Variants in RNF150 observed in about 807,000 individuals in gnomAD.
RNF150 encodes ring finger protein 150.
A neutral mutation model predicts 39.3 loss-of-function variants in RNF150; 24 were observed. The ratio of observed to expected loss-of-function variants is 0.61; its 90% CI spans 0.44 to 0.86. The LOEUF (loss-of-function observed/expected upper bound fraction) is 0.86, where lower values mean the gene tolerates loss of function less well. Ranked by LOEUF, RNF150 falls within the 40% of genes least tolerant of loss-of-function variation. The pLI, the probability that RNF150 is intolerant of heterozygous loss-of-function variation, is 0.00. For synonymous variants in RNF150, 255 were observed against 227.3 expected, an observed-to-expected ratio of 1.12 and a Z score of -1.10; for missense variants, 502 against 587.8, an observed-to-expected ratio of 0.85 and a Z score of 1.51.
intron 1 of RNF150, among the ~76,000 whole-genome samples, chr4:141,131,163 A>G (rs1358001218): frequency 6.6e-6 from 1 of 152,256 alleles, no homozygotes; most frequent in Non-Finnish European, 1.5e-5. Flanking sequence ...CCCCAAAGAG[A>G]ACACCCCTAC....
At chr4:141,186,638 C>G (rs1455162963) in intron 1 of RNF150, among the ~76,000 whole-genome samples, 1 of 151,972 alleles carries the variant, frequency 6.6e-6, no homozygotes, top group Non-Finnish European at 1.5e-5. Context: ...ATCTCCTGAC[C>G]TAGTGATCCA....
intron 1 of RNF150, among the ~76,000 whole-genome samples, chr4:141,186,477 C>T (rs770790415): frequency 2.0e-5 from 3 of 152,146 alleles, no homozygotes; most frequent in Non-Finnish European, 4.4e-5. Flanking sequence ...CGGCTCACTG[C>T]AAGCTCCGCC....
chr4:141,050,505 G>C (rs1578671194), intron 1 of RNF150, among the ~76,000 whole-genome samples: 1 of 152,286 alleles, frequency 6.6e-6, no homozygotes, highest in East Asian at 1.9e-4. Flanking sequence ...CTATTTCCTA[G>C]ATACAATGGG....
chr4:140,885,239 C>T (rs1411610176), intron 6 of RNF150, among the ~76,000 whole-genome samples: 13 of 137,916 alleles, frequency 9.4e-5, no homozygotes, highest in African/African-American at 1.7e-4. Context: ...CTTGCTCTGT[C>T]GCCCAGGCTG....
intron 2 of RNF150, among the ~76,000 whole-genome samples, chr4:140,958,636 G>T (rs979172890): frequency 4.6e-5 from 7 of 152,158 alleles, no homozygotes; most frequent in Non-Finnish European, 1.0e-4. Flanking sequence ...TGACAGCCAG[G>T]TGTCTTCTGC....
In RNF150 at chr4:140,967,694, TG is replaced by T; in HGVS notation, c.663del (p.Ile222PhefsTer89). The T allele has an allele frequency of 6.2e-7, 1 of 1,613,454 alleles. No homozygotes were observed. Reference sequence around the variant, plus strand: ...TAAAAGACGAGCCATGCGAGGGAAATGATCATCAGGACAATGAAGGAGATGG... The same window carrying T: ...TAAAAGACGAGCCATGCGAGGGAAATATCATCAGGACAATGAAGGAGATGG... Reference protein sequence around the residue: ...FVSISFIVLMIISLAWLVFYY... With the variant: ...FVSISFIVLMXISLAWLVFYY... On this transcript the variant is annotated frameshift_variant, in exon 2 of 7. Coordinates refer to ENST00000515673, the MANE Select transcript of RNF150 (RefSeq NM_020724.2). LOFTEE classifies it high-confidence loss of function.
chr4:141,109,443 G>C (rs1026961797), intron 1 of RNF150, among the ~76,000 whole-genome samples: 2 of 151,858 alleles, frequency 1.3e-5, no homozygotes, highest in African/African-American at 4.8e-5. Context: ...GCAATGATAA[G>C]TATATACAAG....
chr4:140,944,539 AAG>A (rs1391394741), intron 4 of RNF150: 2 of 152,162 alleles, frequency 1.3e-5, no homozygotes, highest in African/African-American at 4.8e-5. Flanking sequence ...ACAACAAATA[AAG>A]AGAGGAAGGC....
chr4:140,966,933 C>T (rs1033769843), intron 2 of RNF150, among the ~76,000 whole-genome samples: 4 of 152,184 alleles, frequency 2.6e-5, no homozygotes, highest in Non-Finnish European at 5.9e-5. Flanking sequence ...GTTAAATAGA[C>T]GTGACACATA....
chr4:140,995,915 G>A (rs75141068), intron 1 of RNF150, among the ~76,000 whole-genome samples: 11,523 of 152,052 alleles, frequency 0.076, 485 homozygotes, highest in Middle Eastern at 0.16. Flanking sequence ...CTTAGCTACT[G>A]TAAACAGTGC....
At chr4:140,935,941 T>G (rs1255473089) in intron 4 of RNF150, among the ~76,000 whole-genome samples, 1 of 152,236 alleles carries the variant, frequency 6.6e-6, no homozygotes, top group Non-Finnish European at 1.5e-5. Context: ...CCCTTACCAG[T>G]CAATACCCAC....
chr4:141,120,164 C>T (rs558916750), intron 1 of RNF150, among the ~76,000 whole-genome samples: 1 of 151,856 alleles, frequency 6.6e-6, no homozygotes, highest in Non-Finnish European at 1.5e-5. Flanking sequence ...GGGAGACAGA[C>T]AATAATGGAA....
At chr4:141,159,782 G>T (rs1727479614) in intron 1 of RNF150, among the ~76,000 whole-genome samples, 2 of 152,232 alleles carry the variant, frequency 1.3e-5, no homozygotes, top group South Asian at 4.1e-4. Context: ...GGGTTCAAGT[G>T]ATCCACCCAC....
intron 1 of RNF150, among the ~76,000 whole-genome samples, chr4:141,061,829 T>C (rs1184567202): frequency 6.6e-6 from 1 of 152,132 alleles, no homozygotes; most frequent in East Asian, 1.9e-4. Flanking sequence ...TATAGCATAT[T>C]CTACCGATTC....
At chr4:141,055,610 T>C (rs1191807162) in intron 1 of RNF150, among the ~76,000 whole-genome samples, 2 of 152,074 alleles carry the variant, frequency 1.3e-5, no homozygotes, top group Non-Finnish European at 2.9e-5. Context: ...CTTAATAAAC[T>C]GAATGATGGA....
intron 1 of RNF150, among the ~76,000 whole-genome samples, chr4:141,116,774 A>G (rs1261999996): frequency 3.9e-5 from 6 of 152,208 alleles, no homozygotes; most frequent in Non-Finnish European, 5.9e-5. Flanking sequence ...GATAAAGAAA[A>G]TGTGGCACAT....
At chr4:141,045,423 C>T (rs987729835) in intron 1 of RNF150, among the ~76,000 whole-genome samples, 7 of 152,164 alleles carry the variant, frequency 4.6e-5, no homozygotes, top group African/African-American at 1.7e-4. Flanking sequence ...AGTAAGGTCC[C>T]TGATTTCAAG....
intron 6 of RNF150, among the ~76,000 whole-genome samples, chr4:140,869,045 CAGT>C (rs1728828261): frequency 6.6e-6 from 1 of 152,078 alleles, no homozygotes; most frequent in African/African-American, 2.4e-5. Context: ...AATTTTCACT[CAGT>C]AATTTCATTT....
intron 1 of RNF150, among the ~76,000 whole-genome samples, chr4:141,090,687 T>C (rs895784176): frequency 6.6e-6 from 1 of 152,176 alleles, no homozygotes; most frequent in African/African-American, 2.4e-5. Flanking sequence ...TCTATAAATG[T>C]AGGGAGTAAG....
Sources: gnomAD v4.1 joint callset for allele counts (sites outside exome capture counted in the v4.1 genomes callset) on GRCh38, gnomAD v4.1.1 for gene constraint, MANE v1.5 for transcripts, NCBI Gene and HGNC (gene_info 2026-07-23, HGNC 2026-07-21) for gene names.